SCN3A: variants seen among roughly 807,000 people sequenced by gnomAD.
SCN3A encodes the protein sodium voltage-gated channel alpha subunit 3.
SCN3A carries 60 observed loss-of-function variants against 187.6 expected under a neutral mutation model. The ratio of observed to expected loss-of-function variants is 0.32; its 90% confidence interval spans 0.26 to 0.40. SCN3A has a LOEUF of 0.40. Among genes scored for constraint, SCN3A ranks in the 10% least tolerant of loss-of-function variants. The pLI is 1.00. For synonymous variants in SCN3A, 788 were observed against 829.2 expected (o/e 0.95, Z 0.85); for missense variants, 1,601 against 2,428.2 (o/e 0.66, Z 7.16).
intron 19 of SCN3A, among the ~76,000 whole-genome samples, chr2:165,115,193 G>A (rs1051951484): frequency 2.0e-5 from 3 of 151,888 alleles, no homozygotes; most frequent in African/African-American, 7.3e-5. Context: ...AGCGACTACA[G>A]GCATGTACCA....
intron 17 of SCN3A, among the ~76,000 whole-genome samples, chr2:165,129,486 T>C (rs1687187599): frequency 6.6e-6 from 1 of 152,246 alleles, no homozygotes; most frequent in South Asian, 2.1e-4. Context: ...TTTGGTACTA[T>C]GCAACCTATG....
chr2:165,162,651 G>A lies in SCN3A; in HGVS notation c.872C>T (p.Thr291Ile), dbSNP rs757676103. Residue 291 changes from threonine (T) to isoleucine (I), a missense_variant, in exon 8 of 28, where the codon ACC (threonine) becomes ATC (isoleucine). Coordinates refer to ENST00000283254, the MANE Select transcript of SCN3A (RefSeq NM_006922.4). ...PPSDSAFETN[T>I]TSYFNGTMDS... ...CATTGTGCCATTAAAGTAGGAAGTG[G>A]TGTTGGTTTCAAAAGCAGAATCGCT... 11 of 1,614,122 alleles carry A rather than the reference G, an allele frequency of 6.8e-6. No homozygotes were observed. In the African/African-American group the frequency reaches 1.1e-4, roughly 16 times the overall value.
intron 5 of SCN3A, among the ~76,000 whole-genome samples, chr2:165,167,400 G>A (rs928121482): frequency 6.6e-5 from 10 of 151,818 alleles, no homozygotes; most frequent in African/African-American, 2.4e-4. Flanking sequence ...TTAAATAACT[G>A]ACAAATAATG....
chr2:165,182,150 C>T (rs1186466879), intron 2 of SCN3A, among the ~76,000 whole-genome samples: 3 of 152,142 alleles, frequency 2.0e-5, no homozygotes, highest in Admixed American at 6.5e-5. Context: ...GTTTAGAGCT[C>T]AAAGCTCCCA....
chr2:165,193,026 T>C (rs1691710269), intron 1 of SCN3A, among the ~76,000 whole-genome samples: 1 of 152,062 alleles, frequency 6.6e-6, no homozygotes, highest in South Asian at 2.1e-4. Context: ...AATATATCAT[T>C]AATAAAATCA....
rs754775762 is a variant in SCN3A, at chr2:165,089,987, A to G, written c.*163T>C. 5 of 886,756 alleles carry G rather than the reference A, an allele frequency of 5.6e-6. No individual in the cohort carries two copies. Among genetic ancestry groups the G allele is most frequent in the Middle Eastern group, 3.6e-4 (1 of 2,812 alleles). 54.9% of individuals were successfully genotyped at this position (886,756 alleles called of 1,614,324 possible). On this transcript the variant is annotated 3_prime_UTR_variant, in exon 28 of 28. Transcript: ENST00000283254. ...TTGATACCCTGCTTCACAGAGTTGCAGTGACAGAGAGGTCACTTCACTGTC... is the reference window on the plus strand; with the variant it reads ...TTGATACCCTGCTTCACAGAGTTGCGGTGACAGAGAGGTCACTTCACTGTC...
intron 18 of SCN3A, among the ~76,000 whole-genome samples, chr2:165,127,085 G>T (rs564096118): frequency 6.6e-6 from 1 of 152,030 alleles, no homozygotes; most frequent in Non-Finnish European, 1.5e-5. Flanking sequence ...TTGAGATAGG[G>T]TCTTGCTTTG....
chr2:165,156,421 G>A (rs1689037540), intron 9 of SCN3A, among the ~76,000 whole-genome samples: 1 of 149,302 alleles, frequency 6.7e-6, no homozygotes, highest in Non-Finnish European at 1.5e-5. Context: ...GCTGAGGCAG[G>A]AGAATGGCGT....
In SCN3A at chr2:165,095,088, A is replaced by T. The variant is rs1036844826; in HGVS notation, c.4431+423T>A. ...GGATAAAAAAAAATCACAAAAAGCC[A>T]TGGAGGTACAAGAGAATGCTTGTTC... On this transcript the variant is annotated intron_variant, in intron 25 of 27. Coordinates refer to ENST00000283254, the MANE Select transcript of SCN3A (RefSeq NM_006922.4). Among the ~76,000 whole-genome samples the T allele has an allele frequency of 1.2e-3, 190 of 152,222 alleles. 1 individual carries two copies. The highest frequency in any genetic ancestry group is 1.7e-3 in the Non-Finnish European group (115 of 68,036).
At chr2:165,182,685 T>A (rs781083719) in intron 2 of SCN3A, among the ~76,000 whole-genome samples, 11 of 151,794 alleles carry the variant, frequency 7.2e-5, no homozygotes, top group Non-Finnish European at 1.6e-4. Flanking sequence ...GAAATGGAGG[T>A]TTGTAAGGCA....
At chr2:165,137,604 T>C (rs1687744319) in intron 15 of SCN3A, among the ~76,000 whole-genome samples, 1 of 152,138 alleles carries the variant, frequency 6.6e-6, no homozygotes, top group Non-Finnish European at 1.5e-5. Context: ...TGGACCCACA[T>C]TTCCAGCAAG....
intron 10 of SCN3A, among the ~76,000 whole-genome samples, chr2:165,155,549 G>A (rs1038947319): frequency 4.6e-5 from 7 of 151,952 alleles, no homozygotes; most frequent in Admixed American, 2.0e-4. Context: ...ACAGATGGGC[G>A]CCACCATGCT....
intron 2 of SCN3A, among the ~76,000 whole-genome samples, chr2:165,182,537 T>C (rs1690945968): frequency 6.6e-6 from 1 of 152,132 alleles, no homozygotes; most frequent in African/African-American, 2.4e-5. Context: ...AGGAGTGTAT[T>C]TAATGCACAA....
intron 26 of SCN3A, chr2:165,093,847 C>T (rs1031336244): frequency 5.8e-5 from 9 of 154,962 alleles, no homozygotes; most frequent in African/African-American, 2.2e-4. Flanking sequence ...TAGAGTCCAG[C>T]TCTGTGAACA....
chr2:165,090,427 C>T lies in SCN3A; in HGVS notation c.5726G>A (p.Arg1909His), dbSNP rs376113629. The change falls in exon 28 of 28, where the codon CGT (arginine) becomes CAT (histidine). Residue 1909 changes from arginine to histidine, a missense_variant. Coordinates refer to ENST00000283254, the MANE Select transcript of SCN3A (RefSeq NM_006922.4). This position sits in a 1 kb window ranked among gnomAD's most constrained non-coding sequence, Gnocchi z 4.0. ...QEEVSAAIIQ[R>H]NFRCYLLKQR... ...CTTTAAAAGATAACATCTGAAATTA[C>T]GCTGAATGATAGCGGCAGACACCTC... is the stretch of plus-strand genomic sequence containing the variant. 2.1e-5 allele frequency: 34 copies of T among 1,613,408 alleles called. No homozygotes were observed. The highest frequency in any genetic ancestry group is 8.0e-5 in the African/African-American group (6 of 74,874).
chr2:165,176,762 G>A (rs531338279), intron 2 of SCN3A, among the ~76,000 whole-genome samples: 1 of 152,052 alleles, frequency 6.6e-6, no homozygotes, highest in South Asian at 2.1e-4. Context: ...TTTTTTAAAA[G>A]CATTTAAAAA....
chr2:165,169,200 T>G (rs1689964217), intron 4 of SCN3A, among the ~76,000 whole-genome samples: 1 of 151,918 alleles, frequency 6.6e-6, no homozygotes, highest in Non-Finnish European at 1.5e-5. Context: ...CTCACTGACT[T>G]ATAAAACGTT....
intron 12 of SCN3A, among the ~76,000 whole-genome samples, chr2:165,146,488 A>G (rs967729548): frequency 3.4e-5 from 5 of 148,320 alleles, no homozygotes; most frequent in Admixed American, 1.4e-4. Flanking sequence ...TATATTATAT[A>G]TATCTATATA....
chr2:165,197,222 C>T (rs578051227), intron 1 of SCN3A, among the ~76,000 whole-genome samples: 5 of 152,170 alleles, frequency 3.3e-5, no homozygotes, highest in South Asian at 2.1e-4. Flanking sequence ...AACACATGCC[C>T]GCTGGTTAGC....
Sources: gnomAD v4.1 joint callset for allele counts (sites outside exome capture counted in the v4.1 genomes callset) on GRCh38, gnomAD v4.1.1 for gene constraint, Gnocchi (gnomAD v3.1) non-coding constraint, MANE v1.5 for transcripts, NCBI Gene and HGNC (gene_info 2026-07-23, HGNC 2026-07-21) for gene names.